Variants in ADCY1 observed in about 807,000 individuals in gnomAD.
ADCY1 encodes adenylate cyclase 1, also known as adenylate cyclase type 1.
A neutral mutation model predicts 105.4 loss-of-function variants in ADCY1; 28 were observed. The ratio of observed to expected loss-of-function variants is 0.27; its 90% CI spans 0.20 to 0.36. The LOEUF (loss-of-function observed/expected upper bound fraction) is 0.36. ADCY1 is among the 10% of genes least tolerant of loss of function. ADCY1 has a pLI of 1.00. For missense variants in ADCY1, 977 were observed against 1,434.2 expected, an observed-to-expected ratio of 0.68 and a Z score of 5.15; for synonymous variants, 655 against 623.8, an observed-to-expected ratio of 1.05 and a Z score of -0.75.
At chr7:45,611,652 T>TA (rs879714519) in intron 3 of ADCY1, among the ~76,000 whole-genome samples, 1 of 148,436 alleles carries the variant, frequency 6.7e-6, no homozygotes, top group African/African-American at 2.4e-5. Context: ...TTTTTTTTTT[T>TA]AAAGATTCTG....
Position 45,713,963 on chromosome 7 carries a change from C to G in ADCY1, c.3328C>G (p.Leu1110Val). 1 of 778,240 alleles carries G rather than the reference C, an allele frequency of 1.3e-6. No homozygotes were observed. Among genetic ancestry groups the G allele is most frequent in the Middle Eastern group, 2.3e-4 (1 of 4,404 alleles). 48.2% of individuals were successfully genotyped at this position (778,240 alleles called of 1,614,324 possible). Residue 1110 changes from leucine to valine, a missense_variant, in exon 20 of 20, where the codon CTG (leucine) becomes GTG (valine). Transcript: ENST00000297323. ...CCCTCCACACTCCCCAGGCCAGTACCTGCCCTCTGCAGCAGCTGGGAAGGA... is the reference window on the plus strand; with the variant it reads ...CCCTCCACACTCCCCAGGCCAGTACGTGCCCTCTGCAGCAGCTGGGAAGGA... ...GLPPHSPGQY[L>V]PSAAAGKEA
chr7:45,622,664 G>A lies in ADCY1; in HGVS notation c.941G>A (p.Gly314Asp). ...TTTGCTGACATCGTGGGTTTCACGG[G>A]CTTGGCATCCCAGTGCACAGCCCAG... ...ILFADIVGFTGLASQCTAQEL... is the reference protein window; with the variant it reads ...ILFADIVGFTDLASQCTAQEL... The change falls in exon 4 of 20, where the codon GGC becomes GAC. Residue 314 changes from glycine to aspartate, a missense_variant. Coordinates refer to ENST00000297323, the MANE Select transcript of ADCY1 (RefSeq NM_021116.4). The A allele has an allele frequency of 6.2e-7, 1 of 1,613,326 alleles. No individual in the cohort carries two copies.
intron 1 of ADCY1, among the ~76,000 whole-genome samples, chr7:45,588,914 T>C (rs556866783): frequency 3.5e-4 from 53 of 151,768 alleles, no homozygotes; most frequent in Admixed American, 2.6e-3. Flanking sequence ...TGTAACACTT[T>C]CCTTACTTTC....
chr7:45,640,817 A>T (rs964485230), intron 4 of ADCY1, among the ~76,000 whole-genome samples: 1 of 152,154 alleles, frequency 6.6e-6, no homozygotes, highest in Non-Finnish European at 1.5e-5. Flanking sequence ...AGCTACTGTT[A>T]TATTCTTGCT....
intron 1 of ADCY1, among the ~76,000 whole-genome samples, chr7:45,582,153 C>T (rs1345851629): frequency 2.6e-5 from 4 of 152,198 alleles, no homozygotes; most frequent in Admixed American, 1.3e-4. Context: ...GATGCACACT[C>T]GTAAACTAAT....
Position 45,574,664 on chromosome 7 carries a change from G to T in ADCY1, c.121G>T (p.Ala41Ser). ...GCTCCGGGCGTGCGACGAGGAGTTC[G>T]CTTGCCCAGAGCTGGAGGCGCTGTT... ...RGLRACDEEFACPELEALFRG... is the reference protein window; with the variant it reads ...RGLRACDEEFSCPELEALFRG... The change falls in exon 1 of 20, where the codon GCT (alanine) becomes TCT (serine). Residue 41 changes from alanine (A) to serine (S), a missense_variant. Physicochemically the swap from Ala to Ser is moderately conservative, Grantham distance 99 (BLOSUM62 1). This residue lies in a region of ADCY1 where 209 missense variants were observed against 222.5 expected (regional missense o/e 0.94). Transcript: ENST00000297323. The surrounding 1 kb of genome is among the most constrained non-coding windows in gnomAD (Gnocchi z 7.0). 7.5e-7 allele frequency: 1 copy of T among 1,341,028 alleles called. No homozygotes were observed. Among genetic ancestry groups the T allele is most frequent in the Non-Finnish European group, 9.5e-7 (1 of 1,050,186 alleles). The allele number at this position is 1,341,028 out of a possible 1,614,324, so 83.1% of individuals were successfully genotyped here. A position where few individuals can be genotyped will look rare whatever the true frequency, so the allele number is the denominator to read the frequency against.
Position 45,686,285 on chromosome 7 carries a change from A to G in ADCY1, c.2327+70A>G. The stretch of plus-strand genomic sequence containing the variant: ...ACTGAATCTGTGTATACAGATATGC[A>G]CTACAGGCTTCTGAGTCCAGAACTA... On this transcript the variant is annotated intron_variant, in intron 13 of 19. Coordinates refer to ENST00000297323, the MANE Select transcript of ADCY1 (RefSeq NM_021116.4). This position sits in a 1 kb window ranked among gnomAD's most constrained non-coding sequence, Gnocchi z 4.3. The G allele has an allele frequency of 6.5e-7, 1 of 1,544,302 alleles. No homozygotes were observed. The highest frequency in any genetic ancestry group is 8.8e-7 in the Non-Finnish European group (1 of 1,142,270).
intron 4 of ADCY1, among the ~76,000 whole-genome samples, chr7:45,641,794 C>T (rs11768954): frequency 0.084 from 12,067 of 143,408 alleles, 775 homozygotes; most frequent in Non-Finnish European, 0.13. Context: ...GGCGCGGTGG[C>T]GGGCGCCTGT....
chr7:45,580,931 G>A (rs1006998364), intron 1 of ADCY1, among the ~76,000 whole-genome samples: 7 of 152,094 alleles, frequency 4.6e-5, no homozygotes, highest in Admixed American at 2.0e-4. Context: ...TTAGGTTGAT[G>A]TCCCTCTCCT....
chr7:45,592,940 G>A (rs753702016), intron 2 of ADCY1, 32 bp downstream of exon 2: 4 of 1,611,090 alleles, frequency 2.5e-6, no homozygotes, highest in African/African-American at 1.3e-5. Flanking sequence ...GCCTAGAGGG[G>A]TTGGCTGTGG....
intron 1 of ADCY1, among the ~76,000 whole-genome samples, chr7:45,588,915 CCTTA>C (rs1461685496): frequency 6.6e-6 from 1 of 151,016 alleles, no homozygotes; most frequent in Non-Finnish European, 1.5e-5. Flanking sequence ...GTAACACTTT[CCTTA>C]CTTTCTGGCA....
chr7:45,680,065 G>A (rs1784526923), intron 11 of ADCY1, among the ~76,000 whole-genome samples: 3 of 152,240 alleles, frequency 2.0e-5, no homozygotes, highest in African/African-American at 2.4e-5. Flanking sequence ...TAGACAGGAA[G>A]AAAGAGTCTG....
At chr7:45,593,899 T>C (rs1408801904) in intron 2 of ADCY1, among the ~76,000 whole-genome samples, 8 of 152,254 alleles carry the variant, frequency 5.3e-5, no homozygotes, top group Admixed American at 5.2e-4. Flanking sequence ...CATTGCCGTC[T>C]ATGTGAACAC....
At chr7:45,667,894 T>A (rs1231830680) in intron 8 of ADCY1, among the ~76,000 whole-genome samples, 1 of 152,240 alleles carries the variant, frequency 6.6e-6, no homozygotes, top group Non-Finnish European at 1.5e-5. Context: ...TTGAAGCAAT[T>A]GTGAATGGGA....
At chr7:45,594,201 T>C (rs933017678) in intron 2 of ADCY1, among the ~76,000 whole-genome samples, 1 of 152,136 alleles carries the variant, frequency 6.6e-6, no homozygotes, top group African/African-American at 2.4e-5. Flanking sequence ...TGCAGGGATA[T>C]GTGTATATGT....
intron 16 of ADCY1, among the ~76,000 whole-genome samples, chr7:45,704,046 A>G (rs1785056493): frequency 6.6e-6 from 1 of 152,178 alleles, no homozygotes; most frequent in South Asian, 2.1e-4. Flanking sequence ...AGCCTCATCT[A>G]CAGATGGGCA....
At chr7:45,625,455 G>A (rs891565974) in intron 4 of ADCY1, among the ~76,000 whole-genome samples, 1 of 152,182 alleles carries the variant, frequency 6.6e-6, no homozygotes, top group African/African-American at 2.4e-5. Flanking sequence ...ATATGTGTGT[G>A]AGTGTGCACA....
chr7:45,692,855 A>T (rs182936283), intron 14 of ADCY1, among the ~76,000 whole-genome samples: 144 of 152,340 alleles, frequency 9.5e-4, no homozygotes, highest in African/African-American at 3.4e-3. Flanking sequence ...ATAAAAAAAA[A>T]TACTAAGCTC....
intron 5 of ADCY1, among the ~76,000 whole-genome samples, chr7:45,652,544 T>C (rs1301412570): frequency 2.0e-5 from 3 of 152,216 alleles, no homozygotes; most frequent in African/African-American, 4.8e-5. Flanking sequence ...GTTTTATCGC[T>C]TTGAAGAATG....
Sources: gnomAD v4.1 joint callset for allele counts (sites outside exome capture counted in the v4.1 genomes callset) on GRCh38, gnomAD v4.1.1 for gene constraint, gnomAD v4.1.1 regional missense constraint, Gnocchi (gnomAD v3.1) non-coding constraint, MANE v1.5 for transcripts, NCBI Gene and HGNC (gene_info 2026-07-23, HGNC 2026-07-21) for gene names.